The following RASGEF1C variants were observed in gnomAD, a reference collection of about 807,000 sequenced individuals.
RASGEF1C encodes the protein ras-GEF domain-containing family member 1C.
Under a neutral mutation model 58.1 loss-of-function variants are expected in RASGEF1C, and 27 were observed. The observed-to-expected ratio is 0.46, with a 90% confidence interval of 0.34 to 0.64. The LOEUF is 0.64. Ranked by LOEUF, RASGEF1C falls within the 30% of genes least tolerant of loss-of-function variation. RASGEF1C has a pLI of 0.01. For missense variants in RASGEF1C, 502 were observed against 605.1 expected (o/e 0.83, Z 1.79); for synonymous variants, 243 against 246.3 (o/e 0.99, Z 0.13).
rs1156948098 is a variant in RASGEF1C, at chr5:180,200,821, G to T, written c.-7+8207C>A. Among the ~76,000 whole-genome samples, 9 of 152,142 alleles carry T rather than the reference G, an allele frequency of 5.9e-5. No individual in the cohort carries two copies. The South Asian group carries it at 1.7e-3, about 28-fold the overall frequency. ...CGCTCCTCTAACTGGTGTGGGCGAG[G>T]AAAGCCAACCTTCAGAACCGGCTCC... On this transcript the variant is annotated intron_variant, in intron 1 of 13. Coordinates refer to ENST00000361132, the MANE Select transcript of RASGEF1C (RefSeq NM_175062.4).
Position 180,121,637 on chromosome 5 carries a change from T to TCACACA in RASGEF1C, c.715-494_715-489dup, listed in dbSNP as rs762495633. On this transcript the variant is annotated intron_variant, in intron 6 of 13. Coordinates refer to ENST00000361132, the MANE Select transcript of RASGEF1C (RefSeq NM_175062.4). ...TAAAAATACATTTTAAAATGTAACTTCACACACACACACACACACACACAC... is the reference window on the plus strand; with the variant it reads ...TAAAAATACATTTTAAAATGTAACTTCACACACACACACACACACACACACACACAC... Among the ~76,000 whole-genome samples the TCACACA allele has an allele frequency of 6.8e-3, 774 of 113,328 alleles. 5 individuals are homozygous for TCACACA. Among genetic ancestry groups the TCACACA allele is most frequent in the Middle Eastern group, 0.017 (4 of 240 alleles). 74.3% of individuals were successfully genotyped at this position (113,328 alleles called of 152,430 possible). A position where few individuals can be genotyped will look rare whatever the true frequency, so the allele number is the denominator to read the frequency against.
intron 1 of RASGEF1C, among the ~76,000 whole-genome samples, chr5:180,159,207 T>C (rs987820837): frequency 6.6e-6 from 1 of 151,872 alleles, no homozygotes; most frequent in African/African-American, 2.4e-5. Context: ...CGGCGCGATC[T>C]CGGCTCACTG....
At chr5:180,187,700 C>G (rs1247169113) in intron 1 of RASGEF1C, among the ~76,000 whole-genome samples, 7 of 152,220 alleles carry the variant, frequency 4.6e-5, no homozygotes, top group Admixed American at 1.3e-4. Context: ...CTTGAATAGA[C>G]ATTTTTCCAA....
intron 1 of RASGEF1C, among the ~76,000 whole-genome samples, chr5:180,149,225 C>T (rs1159540256): frequency 5.3e-5 from 8 of 151,236 alleles, no homozygotes; most frequent in African/African-American, 1.9e-4. Context: ...GTAGTTGGGA[C>T]TACAGGTACA....
chr5:180,199,408 C>G (rs988246899), intron 1 of RASGEF1C, among the ~76,000 whole-genome samples: 2 of 152,164 alleles, frequency 1.3e-5, no homozygotes, highest in African/African-American at 2.4e-5. Flanking sequence ...AGAAAGGACA[C>G]TAAACAACTA....
At chr5:180,154,774 G>C (rs1047792469) in intron 1 of RASGEF1C, among the ~76,000 whole-genome samples, 2 of 152,028 alleles carry the variant, frequency 1.3e-5, no homozygotes, top group Admixed American at 1.3e-4. Context: ...GTAGAGACAG[G>C]GTTTCACTGT....
chr5:180,183,652 C>T, intron 1 of RASGEF1C, among the ~76,000 whole-genome samples: 1 of 151,854 alleles, frequency 6.6e-6, no homozygotes, highest in Non-Finnish European at 1.5e-5. Flanking sequence ...TGGAGAAATT[C>T]CGTCTCTACT....
chr5:180,103,291 A>C (rs553075060), intron 12 of RASGEF1C, among the ~76,000 whole-genome samples: 5 of 152,176 alleles, frequency 3.3e-5, no homozygotes, highest in South Asian at 4.2e-4. Flanking sequence ...GTTAGCCAGG[A>C]TGGTCTCGAT....
rs1581109418 is a variant in RASGEF1C, at chr5:180,152,103, A to G, written c.-6-14045T>C. Among the ~76,000 whole-genome samples, 7 of 151,486 alleles carry G rather than the reference A, an allele frequency of 4.6e-5. No homozygotes were observed. The East Asian group carries it at 1.4e-3, about 29-fold the overall frequency. ...GGAGAGGATGTGGAGAAATAGGAAC[A>G]CTTTTACACTGTTGGTGGGACTGTA... On this transcript the variant is annotated intron_variant, in intron 1 of 13. Transcript: ENST00000361132.
chr5:180,194,981 G>T (rs1349105714), intron 1 of RASGEF1C, among the ~76,000 whole-genome samples: 1 of 152,198 alleles, frequency 6.6e-6, no homozygotes, highest in Non-Finnish European at 1.5e-5. Flanking sequence ...GGTGAGGAAG[G>T]CCCAGCGCCC....
chr5:180,130,097 G>C (rs571380655), intron 4 of RASGEF1C, among the ~76,000 whole-genome samples: 4 of 152,304 alleles, frequency 2.6e-5, no homozygotes, highest in African/African-American at 7.2e-5. Context: ...GCACAGCGGC[G>C]GCAGCACAGA....
chr5:180,113,535 G>A (rs1331753342), intron 11 of RASGEF1C, among the ~76,000 whole-genome samples: 7 of 71,378 alleles, frequency 9.8e-5, no homozygotes, highest in African/African-American at 1.2e-4. Flanking sequence ...GGAGGGACCG[G>A]GGATGGACGG....
At chr5:180,207,245 C>T (rs1460168647) in intron 1 of RASGEF1C, among the ~76,000 whole-genome samples, 3 of 152,146 alleles carry the variant, frequency 2.0e-5, no homozygotes, top group African/African-American at 7.2e-5. Context: ...CATTGTGGAG[C>T]TAAGTAAATG....
chr5:180,193,633 G>T (rs1302445461), intron 1 of RASGEF1C, among the ~76,000 whole-genome samples: 2 of 152,094 alleles, frequency 1.3e-5, no homozygotes, highest in African/African-American at 4.8e-5. Flanking sequence ...CAAACAAAAA[G>T]AACTGTTACA....
At chr5:180,200,443 G>A (rs1260246090) in intron 1 of RASGEF1C, among the ~76,000 whole-genome samples, 7 of 150,484 alleles carry the variant, frequency 4.7e-5, no homozygotes, top group Admixed American at 2.6e-4. Context: ...CCGAGTAGCC[G>A]GGACTACAGG....
At chr5:180,121,194 T>G in intron 6 of RASGEF1C, 45 bp from the exon 7 acceptor site, 1 of 1,349,752 alleles carries the variant, frequency 7.4e-7, no homozygotes, top group Non-Finnish European at 1.1e-6. Flanking sequence ...AGCCTTTTTG[T>G]CTATCATCTT....
chr5:180,193,067 G>T (rs1258364594), intron 1 of RASGEF1C, among the ~76,000 whole-genome samples: 1 of 130,728 alleles, frequency 7.6e-6, no homozygotes, highest in Non-Finnish European at 1.7e-5. Flanking sequence ...TTGTTGTTTT[G>T]TTTTTTGAGA....
intron 1 of RASGEF1C, among the ~76,000 whole-genome samples, chr5:180,147,191 CT>C (rs938914863): frequency 1.3e-5 from 2 of 151,490 alleles, no homozygotes; most frequent in Admixed American, 6.6e-5. Flanking sequence ...TCAGTCATCT[CT>C]TTTTTTTCAG....
At position 180,113,677 on chromosome 5, in the gene RASGEF1C, T is replaced by TGGAC. The variant is rs1766012371; in HGVS notation, c.1179+768_1179+769insGTCC. On this transcript the variant is annotated intron_variant, in intron 11 of 13. Coordinates refer to ENST00000361132, the MANE Select transcript of RASGEF1C (RefSeq NM_175062.4). ...GATGGACGGAGGGACCGGGGATGGA[T>TGGAC]GGAGGGATCGGGGATGGACGGAGGG... is the stretch of plus-strand genomic sequence containing the variant. 6.3e-5 allele frequency among the ~76,000 whole-genome samples: 4 copies of TGGAC among 63,476 alleles called. 1 individual carries two copies. The highest frequency in any genetic ancestry group is 1.3e-4 in the Non-Finnish European group (4 of 31,558). 41.6% of individuals were successfully genotyped at this position (63,476 alleles called of 152,430 possible). A position where few individuals can be genotyped will look rare whatever the true frequency, so the allele number is the denominator to read the frequency against.
Sources: gnomAD v4.1 joint callset for allele counts (sites outside exome capture counted in the v4.1 genomes callset) on GRCh38, gnomAD v4.1.1 for gene constraint, MANE v1.5 for transcripts, NCBI Gene and HGNC (gene_info 2026-07-23, HGNC 2026-07-21) for gene names.